The following USP9X variants were observed in gnomAD, a reference collection of about 807,000 sequenced individuals.
USP9X encodes the protein ubiquitin specific peptidase 9 X-linked.
USP9X carries 7 observed loss-of-function variants against 190.3 expected under a neutral mutation model. The ratio of observed to expected loss-of-function variants is 0.04; its 90% CI spans 0.02 to 0.07. USP9X has a LOEUF of 0.07. Ranked by LOEUF, USP9X falls within the 10% of genes least tolerant of loss-of-function variation. USP9X has a pLI of 1.00. For missense variants in USP9X, 1,010 were observed against 1,916.9 expected, an observed-to-expected ratio of 0.53 and a Z score of 8.83; for synonymous variants, 645 against 659.5, an observed-to-expected ratio of 0.98 and a Z score of 0.34.
chrX:41,151,442 ATTTAT>A (rs754252663), intron 13 of USP9X, among the ~76,000 whole-genome samples: 39 of 112,219 alleles, frequency 3.5e-4, no homozygotes, highest in African/African-American at 1.0e-3. Flanking sequence ...ATTTTTAAAC[ATTTAT>A]TTTAGCTAAA....
intron 1 of USP9X, among the ~76,000 whole-genome samples, chrX:41,111,146 T>TGGTATTAG (rs57449221): frequency 0.19 from 21,232 of 110,970 alleles, 1,570 homozygotes; most frequent in Admixed American, 0.26. Flanking sequence ...CCTCATGTGA[T>TGGTATTAG]GAGGTGGGGC....
intron 33 of USP9X, among the ~76,000 whole-genome samples, chrX:41,214,173 GA>G: frequency 8.9e-6 from 1 of 112,232 alleles, no homozygotes; most frequent in African/African-American, 3.2e-5. Flanking sequence ...ATCATTTTCA[GA>G]ACTTAATAAA....
At chrX:41,187,400 T>C (rs1023518103) in intron 24 of USP9X, among the ~76,000 whole-genome samples, 10 of 112,282 alleles carry the variant, frequency 8.9e-5, no homozygotes, top group Non-Finnish European at 1.7e-4. Flanking sequence ...TTTTTATTGC[T>C]AACTAGTACC....
intron 11 of USP9X, among the ~76,000 whole-genome samples, chrX:41,145,481 A>G (rs1324451150): frequency 8.9e-6 from 1 of 112,082 alleles, no homozygotes; most frequent in Non-Finnish European, 1.9e-5. Context: ...CATAGAATAG[A>G]TAAATTATGG....
chrX:41,131,580 A>G (rs765731828), intron 4 of USP9X, 44 bp downstream of exon 4: 2 of 1,104,236 alleles, frequency 1.8e-6, no homozygotes, highest in African/African-American at 3.7e-5. Flanking sequence ...ATGCTACTAG[A>G]TGTATTTTTA....
chrX:41,144,786 C>T (rs1197661454), intron 11 of USP9X, among the ~76,000 whole-genome samples, 160 bp downstream of exon 11: 1 of 111,403 alleles, frequency 9.0e-6, no homozygotes, highest in Non-Finnish European at 1.9e-5. Flanking sequence ...CCAACAAGAA[C>T]TTGATGTTCA....
intron 2 of USP9X, among the ~76,000 whole-genome samples, chrX:41,127,411 A>G (rs753082825): frequency 8.9e-6 from 1 of 112,369 alleles, no homozygotes; most frequent in Non-Finnish European, 1.9e-5. Context: ...ACAAGGAAAT[A>G]AATATCGGTG....
intron 9 of USP9X, among the ~76,000 whole-genome samples, chrX:41,142,037 A>G (rs1451245041): frequency 1.8e-5 from 2 of 111,547 alleles, no homozygotes; most frequent in East Asian, 2.8e-4. Flanking sequence ...CTGGGGAAAC[A>G]TCTGTAGGAG....
intron 31 of USP9X, among the ~76,000 whole-genome samples, chrX:41,204,776 A>G (rs2063075636): frequency 8.9e-6 from 1 of 112,167 alleles, no homozygotes; most frequent in South Asian, 3.6e-4. Context: ...TGGCTATACC[A>G]TCTAGGTTTA....
chrX:41,201,412 C>T (rs1368697354), intron 31 of USP9X, 132 bp downstream of exon 31: 1 of 627,803 alleles, frequency 1.6e-6, no homozygotes, highest in Non-Finnish European at 2.4e-6. Context: ...GGGCCGAGCA[C>T]ACACCTGTGG....
Position 41,230,503 on chromosome X carries a change from G to T in USP9X, c.7434G>T (p.Glu2478Asp). ...TATCTTGAAATATTCAAAATTAGGA[G>T]CCAGATGACCAAGATGCTCCAGATG... ...AKACELCPEE[E>D]PDDQDAPDEH... is the part of the protein sequence containing the mutation. Residue 2478 changes from glutamate to aspartate, a missense_variant and splice_region_variant, in exon 44 of 45, where the codon GAG becomes GAT. Around this residue, in one of 11 missense-constraint regions of USP9X, gnomAD observed 48 missense variants for 60.4 expected, o/e 0.79. Transcript: ENST00000378308. The T allele has an allele frequency of 8.3e-7, 1 of 1,208,599 alleles. No individual in the cohort carries two copies. The highest frequency in any genetic ancestry group is 1.1e-6 in the Non-Finnish European group (1 of 893,626).
At chrX:41,112,860 A>T (rs1265775674) in intron 1 of USP9X, among the ~76,000 whole-genome samples, 1 of 112,815 alleles carries the variant, frequency 8.9e-6, no homozygotes, top group Non-Finnish European at 1.9e-5. Context: ...AATTATTTTC[A>T]CTCACATTTC....
At chrX:41,207,826 G>A (rs1286016419) in intron 32 of USP9X, among the ~76,000 whole-genome samples, 1 of 110,181 alleles carries the variant, frequency 9.1e-6, no homozygotes, top group East Asian at 2.8e-4. Context: ...TACTTACTCT[G>A]TACTAGTGTC....
chrX:41,123,565 AAT>A lies in USP9X; in HGVS notation c.-63_-62del, dbSNP rs1312599607. 1.0e-6 allele frequency: 1 copy of A among 966,070 alleles called. No individual in the cohort carries two copies. Among genetic ancestry groups the A allele is most frequent in the Non-Finnish European group, 1.5e-6 (1 of 683,687 alleles). 79.6% of individuals were successfully genotyped at this position (966,070 alleles called of 1,213,427 possible). The stretch of plus-strand genomic sequence containing the variant: ...ACTTCATCTTCTATAAGTGGACTAT[AAT>A]TTCTTTTCTCAAGACAACTACATAA... On this transcript the variant is annotated 5_prime_UTR_variant, in exon 2 of 45. The change abolishes the stop of an existing upstream ORF in the 5' untranslated region. Coordinates refer to ENST00000378308, the MANE Select transcript of USP9X (RefSeq NM_001039591.3).
chrX:41,169,919 C>T, intron 18 of USP9X, 76 bp from the exon 19 acceptor site: 1 of 1,133,091 alleles, frequency 8.8e-7, no homozygotes, highest in South Asian at 2.0e-5. Context: ...TGTTAAATCC[C>T]CAGCATTATT....
chrX:41,118,365 C>T (rs1370941075), intron 1 of USP9X, among the ~76,000 whole-genome samples: 1 of 110,615 alleles, frequency 9.0e-6, no homozygotes, highest in Non-Finnish European at 1.9e-5. Context: ...TACCCGTGTA[C>T]TTGGAATTAT....
At chrX:41,151,861 G>T (rs2062529412) in intron 13 of USP9X, among the ~76,000 whole-genome samples, 1 of 112,356 alleles carries the variant, frequency 8.9e-6, no homozygotes, top group Admixed American at 9.4e-5. Context: ...TGCGCCTGTA[G>T]TCCCAGTTAC....
intron 25 of USP9X, 28 bp from the exon 26 acceptor site, chrX:41,189,281 T>C (rs1224985340): frequency 1.7e-6 from 2 of 1,188,967 alleles, no homozygotes; most frequent in African/African-American, 1.8e-5. Context: ...CTTCTTTGGG[T>C]AATTTGTTCT....
rs1194811241 is a variant in USP9X, at chrX:41,181,435, C to CCTT, written c.3149-2563_3149-2562insCTT. Among the ~76,000 whole-genome samples the CCTT allele has an allele frequency of 5.9e-3, 228 of 38,571 alleles. 2 individuals are homozygous for CCTT. The highest frequency in any genetic ancestry group is 0.012 in the South Asian group (8 of 659). 33.5% of individuals were successfully genotyped at this position (38,571 alleles called of 115,157 possible). ...TACAGGTACACACCACCACACCTGA[C>CCTT]TTTTTTTTTTTTTTTTTTTTTTTTT... On this transcript the variant is annotated intron_variant, in intron 21 of 44. Coordinates refer to ENST00000378308, the MANE Select transcript of USP9X (RefSeq NM_001039591.3).
Sources: allele counts gnomAD v4.1 joint callset (sites outside exome capture counted in the v4.1 genomes callset), GRCh38; gene constraint gnomAD v4.1.1; regional missense constraint gnomAD v4.1.1; transcripts MANE v1.5; gene names NCBI Gene and HGNC (gene_info 2026-07-23, HGNC 2026-07-21).